SNRPN: variants seen among roughly 807,000 people sequenced by gnomAD.
SNRPN encodes small nuclear ribonucleoprotein-associated protein N.
A neutral mutation model predicts 25.2 loss-of-function variants in SNRPN; 7 were observed. The observed-to-expected ratio is 0.28, with a 90% CI of 0.16 to 0.52. The LOEUF is 0.52. SNRPN is among the 20% of genes least tolerant of loss of function. SNRPN has a pLI of 0.96. For missense variants in SNRPN, 196 were observed against 322.5 expected (o/e 0.61, Z 3.00); for synonymous variants, 124 against 110.6 (o/e 1.12, Z -0.76).
At chr15:24,900,870 GGATAA>G (rs1307590536) in intron 2 of SNRPN, among the ~76,000 whole-genome samples, 11 of 152,098 alleles carry the variant, frequency 7.2e-5, no homozygotes, top group African/African-American at 1.2e-4. Context: ...CAAGGCAGGA[GGATAA>G]GATGAGTCCA....
chr15:24,924,317 A>C (rs2060243684), intron 3 of SNRPN, among the ~76,000 whole-genome samples: 1 of 151,926 alleles, frequency 6.6e-6, no homozygotes, highest in Non-Finnish European at 1.5e-5. Context: ...GTTTGGGGGA[A>C]AGATAAATGG....
chr15:24,878,905 A>G (rs1210979012), intron 1 of SNRPN, among the ~76,000 whole-genome samples: 1 of 152,064 alleles, frequency 6.6e-6, no homozygotes, highest in South Asian at 2.1e-4. Flanking sequence ...TACCTTTAAT[A>G]TGAGAGGACT....
chr15:24,957,129 T>G (rs538092985), intron 1 of SNRPN, among the ~76,000 whole-genome samples: 1 of 152,198 alleles, frequency 6.6e-6, no homozygotes, highest in Non-Finnish European at 1.5e-5. Context: ...TTCGACACAT[T>G]TAATAAATGT....
At chr15:24,846,919 G>A (rs561134628) in intron 2 of SNRPN, among the ~76,000 whole-genome samples, 3 of 152,246 alleles carry the variant, frequency 2.0e-5, no homozygotes, top group East Asian at 3.9e-4. Flanking sequence ...AAAAACAAAT[G>A]TGCGGGATTG....
intron 1 of SNRPN, among the ~76,000 whole-genome samples, chr15:24,878,536 G>A (rs1346982862): frequency 6.6e-6 from 1 of 152,238 alleles, no homozygotes; most frequent in South Asian, 2.1e-4. Context: ...CCCTTTCTTC[G>A]CAAGCGTTAA....
chr15:24,922,070 G>A (rs568148458), intron 3 of SNRPN, among the ~76,000 whole-genome samples: 252 of 151,336 alleles, frequency 1.7e-3, no homozygotes, highest in South Asian at 4.4e-3. Context: ...AAAATTAGCC[G>A]GGCACCGTGG....
At chr15:24,863,346 G>A (rs2054186350) in intron 1 of SNRPN, among the ~76,000 whole-genome samples, 1 of 150,834 alleles carries the variant, frequency 6.6e-6, no homozygotes. Context: ...ACAGAAGAAG[G>A]ACAGCAGGTA....
chr15:24,884,419 G>A (rs1387555617), intron 1 of SNRPN, among the ~76,000 whole-genome samples: 2 of 152,140 alleles, frequency 1.3e-5, no homozygotes, highest in African/African-American at 4.8e-5. Context: ...TGGTGTAAAG[G>A]TATGCATTGT....
intron 2 of SNRPN, among the ~76,000 whole-genome samples, chr15:24,916,414 G>A (rs989206605): frequency 1.3e-5 from 2 of 152,074 alleles, no homozygotes; most frequent in African/African-American, 4.8e-5. Context: ...AGGTACATAA[G>A]CTTAGTGACT....
intron 3 of SNRPN, among the ~76,000 whole-genome samples, chr15:24,926,880 G>A (rs1044378003): frequency 6.6e-6 from 1 of 151,796 alleles, no homozygotes; most frequent in African/African-American, 2.4e-5. Flanking sequence ...GTGTGGTGTT[G>A]CATGCCTATC....
In SNRPN at chr15:24,866,359, G is replaced by A. The variant is rs991609888; in HGVS notation, c.-579+9643G>A. 2.6e-5 allele frequency among the ~76,000 whole-genome samples: 4 copies of A among 152,126 alleles called. No individual in the cohort carries two copies. The South Asian group carries it at 6.2e-4, about 24-fold the overall frequency. On this transcript the variant is annotated intron_variant, in intron 1 of 11. Transcript: ENST00000400097. Reference sequence around the variant, plus strand: ...ATTAACATGTGTATTACCTCACATAGTTATCATTTTTGTGGAGAGAACACT... The same window carrying A: ...ATTAACATGTGTATTACCTCACATAATTATCATTTTTGTGGAGAGAACACT...
intron 3 of SNRPN, 171 bp from the exon 4 acceptor site, chr15:24,974,140 A>C: frequency 2.7e-6 from 1 of 366,840 alleles, no homozygotes; most frequent in Non-Finnish European, 5.0e-6. Context: ...GTCAAATGTG[A>C]GAGTTAAGAA....
rs763931837 is a variant in SNRPN, at chr15:24,926,400, C to T, written c.-391+6276C>T. The stretch of plus-strand genomic sequence containing the variant: ...TATCCCCTTTTGCCTGGCACAGATG[C>T]ACACATAAATTATTGTCCTGACATG... On this transcript the variant is annotated intron_variant, in intron 3 of 11. Coordinates refer to the SNRPN transcript ENST00000400097. 7.2e-5 allele frequency among the ~76,000 whole-genome samples: 11 copies of T among 152,238 alleles called. No individual in the cohort carries two copies. In the South Asian group the frequency reaches 1.2e-3, roughly 17 times the overall value.
intron 1 of SNRPN, among the ~76,000 whole-genome samples, chr15:24,877,996 G>C (rs1045667849): frequency 1.3e-5 from 2 of 152,178 alleles, no homozygotes; most frequent in Admixed American, 1.3e-4. Flanking sequence ...AAACATGCAT[G>C]TACACGATTG....
chr15:24,839,215 G>A (rs1321614341), intron 2 of SNRPN, among the ~76,000 whole-genome samples: 2 of 151,934 alleles, frequency 1.3e-5, no homozygotes, highest in Non-Finnish European at 2.9e-5. Context: ...TGCTTTGGCT[G>A]TTCCATTGTT....
intron 2 of SNRPN, among the ~76,000 whole-genome samples, chr15:24,833,828 G>T (rs542330480): frequency 6.6e-6 from 1 of 152,104 alleles, no homozygotes; most frequent in African/African-American, 2.4e-5. Context: ...AAGAACAGAC[G>T]GTAGGTGTGT....
At chr15:24,870,864 T>G (rs1306202352) in intron 1 of SNRPN, among the ~76,000 whole-genome samples, 1 of 151,746 alleles carries the variant, frequency 6.6e-6, no homozygotes, top group Non-Finnish European at 1.5e-5. Context: ...AATTTTTTTT[T>G]TTTGGTTTTT....
At chr15:24,831,431 A>G (rs1274579086) in intron 2 of SNRPN, among the ~76,000 whole-genome samples, 1 of 152,014 alleles carries the variant, frequency 6.6e-6, no homozygotes, top group Non-Finnish European at 1.5e-5. Context: ...TTGTGAAGTG[A>G]AAAATTCTTG....
upstream of SNRPN, among the ~76,000 whole-genome samples, chr15:24,954,051 T>G (rs968603350): frequency 6.6e-6 from 1 of 152,204 alleles, no homozygotes; most frequent in Non-Finnish European, 1.5e-5. Flanking sequence ...CAAATGTGTG[T>G]AAAAACTATG....
Sources: allele counts gnomAD v4.1 joint callset (sites outside exome capture counted in the v4.1 genomes callset), GRCh38; gene constraint gnomAD v4.1.1; transcripts MANE v1.5; gene names NCBI Gene and HGNC (gene_info 2026-07-23, HGNC 2026-07-21).